The following GUCY1A2 variants were observed in gnomAD, a reference collection of about 807,000 sequenced individuals.
GUCY1A2 encodes guanylate cyclase soluble subunit alpha-2.
Under a neutral mutation model 63.5 loss-of-function variants are expected in GUCY1A2, and 27 were observed. The ratio of observed to expected loss-of-function variants is 0.43; its 90% CI spans 0.31 to 0.59. The LOEUF is 0.59. GUCY1A2 is among the 20% of genes least tolerant of loss of function. The pLI is 0.11. For synonymous variants in GUCY1A2, 364 were observed against 343.5 expected, an observed-to-expected ratio of 1.06 and a Z score of -0.66; for missense variants, 768 against 913.3, an observed-to-expected ratio of 0.84 and a Z score of 2.05.
Position 106,914,980 on chromosome 11 carries a change from C to T in GUCY1A2, c.1206+24480G>A, listed in dbSNP as rs193010003. 2.1e-3 allele frequency among the ~76,000 whole-genome samples: 313 copies of T among 152,078 alleles called. 2 individuals carry two copies. The highest frequency in any genetic ancestry group is 7.0e-3 in the African/African-American group (292 of 41,520). ...CATTTTATGTTGAAATTTAAAAAAA[C>T]GCCAACCTAGAATTGTATGTACAGC... On this transcript the variant is annotated intron_variant, in intron 4 of 7. Coordinates refer to ENST00000526355, the MANE Select transcript of GUCY1A2 (RefSeq NM_000855.3).
At chr11:106,953,974 A>G (rs980110256) in intron 3 of GUCY1A2, among the ~76,000 whole-genome samples, 5 of 151,826 alleles carry the variant, frequency 3.3e-5, no homozygotes, top group Admixed American at 2.0e-4. Context: ...CAGCTCCTGG[A>G]TTCATTGATT....
intron 6 of GUCY1A2, among the ~76,000 whole-genome samples, chr11:106,765,816 G>A (rs1442473807): frequency 1.3e-5 from 2 of 152,136 alleles, no homozygotes; most frequent in Non-Finnish European, 2.9e-5. Context: ...TTTCCCTAAA[G>A]AGTCTGAATT....
intron 6 of GUCY1A2, among the ~76,000 whole-genome samples, chr11:106,769,542 A>G (rs1047385360): frequency 6.6e-6 from 1 of 152,204 alleles, no homozygotes; most frequent in Non-Finnish European, 1.5e-5. Context: ...AATACTTTAA[A>G]TAAATACTTT....
chr11:106,845,561 T>C (rs1450238939), intron 4 of GUCY1A2, among the ~76,000 whole-genome samples: 2 of 151,604 alleles, frequency 1.3e-5, no homozygotes, highest in African/African-American at 4.8e-5. Context: ...TACAATTTTT[T>C]TGTGTTCCTG....
chr11:106,688,101 G>T (rs539419690), intron 7 of GUCY1A2, among the ~76,000 whole-genome samples: 1 of 152,180 alleles, frequency 6.6e-6, no homozygotes, highest in Non-Finnish European at 1.5e-5. Flanking sequence ...CATAATACAG[G>T]TTTTATTTCA....
chr11:106,974,049 T>C (rs1861231427), intron 3 of GUCY1A2, among the ~76,000 whole-genome samples: 1 of 152,092 alleles, frequency 6.6e-6, no homozygotes, highest in Non-Finnish European at 1.5e-5. Context: ...AGATGCATTT[T>C]CAACCCAAGT....
intron 4 of GUCY1A2, among the ~76,000 whole-genome samples, chr11:106,883,337 A>G (rs183289815): frequency 6.6e-6 from 1 of 152,284 alleles, no homozygotes; most frequent in African/African-American, 2.4e-5. Context: ...TATACCTTAC[A>G]CAACAGTATT....
chr11:106,808,629 A>G (rs925316543), intron 5 of GUCY1A2, among the ~76,000 whole-genome samples: 4 of 133,168 alleles, frequency 3.0e-5, no homozygotes, highest in African/African-American at 1.0e-4. Context: ...TTAGGGCTAA[A>G]ACAAAACAAA....
intron 6 of GUCY1A2, among the ~76,000 whole-genome samples, chr11:106,734,245 C>T (rs1009453548): frequency 1.3e-5 from 2 of 152,036 alleles, no homozygotes; most frequent in African/African-American, 4.8e-5. Context: ...AAATTCTTTG[C>T]CCTTTAGTTA....
intron 1 of GUCY1A2, among the ~76,000 whole-genome samples, chr11:106,996,535 CAGAT>C (rs1400512312): frequency 1.3e-5 from 2 of 152,184 alleles, no homozygotes; most frequent in Non-Finnish European, 2.9e-5. Flanking sequence ...CTTGGTTCCT[CAGAT>C]AGTCTGATCA....
intron 6 of GUCY1A2, among the ~76,000 whole-genome samples, chr11:106,731,903 AC>A (rs1319595120): frequency 3.3e-5 from 5 of 152,166 alleles, no homozygotes; most frequent in Non-Finnish European, 7.4e-5. Context: ...CAGAGATGGT[AC>A]AAACAAATGG....
intron 1 of GUCY1A2, among the ~76,000 whole-genome samples, chr11:106,992,723 A>AT (rs1175050838): frequency 6.6e-6 from 1 of 152,100 alleles, no homozygotes; most frequent in Admixed American, 6.5e-5. Flanking sequence ...CAAACAATTG[A>AT]TTTTTTTCTT....
At chr11:106,985,057 CTTCTG>C (rs751749816) in intron 2 of GUCY1A2, among the ~76,000 whole-genome samples, 6 of 151,924 alleles carry the variant, frequency 3.9e-5, no homozygotes, top group Admixed American at 1.3e-4. Context: ...GATTTCTTCC[CTTCTG>C]TTCTGTGAAA....
intron 5 of GUCY1A2, among the ~76,000 whole-genome samples, chr11:106,799,565 A>G (rs1284947818): frequency 6.6e-6 from 1 of 152,216 alleles, no homozygotes; most frequent in East Asian, 1.9e-4. Context: ...GGTACAGAAC[A>G]GAGTTCTCAG....
chr11:106,912,436 A>C (rs77652341), intron 4 of GUCY1A2, among the ~76,000 whole-genome samples: 4,759 of 152,152 alleles, frequency 0.031, 235 homozygotes, highest in African/African-American at 0.11. Context: ...GTCCTATATA[A>C]GCATTCTCTT....
At chr11:106,964,790 T>C (rs753177207) in intron 3 of GUCY1A2, among the ~76,000 whole-genome samples, 1 of 152,060 alleles carries the variant, frequency 6.6e-6, no homozygotes, top group Admixed American at 6.5e-5. Flanking sequence ...CCATCCTGGC[T>C]AACGCGGTGA....
chr11:107,006,705 T>C (rs941755125), intron 1 of GUCY1A2, among the ~76,000 whole-genome samples: 2 of 152,188 alleles, frequency 1.3e-5, no homozygotes, highest in Non-Finnish European at 2.9e-5. Context: ...ATCAAGCACT[T>C]GATTATCTAA....
chr11:106,714,744 A>C (rs906424815), intron 6 of GUCY1A2, among the ~76,000 whole-genome samples: 1 of 147,682 alleles, frequency 6.8e-6, no homozygotes, highest in African/African-American at 2.5e-5. Context: ...GATTCTCACA[A>C]CTGGGAGGGA....
At chr11:106,829,911 G>A (rs1383644195) in intron 4 of GUCY1A2, among the ~76,000 whole-genome samples, 8 of 152,152 alleles carry the variant, frequency 5.3e-5, no homozygotes, top group Non-Finnish European at 8.8e-5. Flanking sequence ...GAAGGTTTGG[G>A]TCACTACACC....
Sources: gnomAD v4.1 joint callset for allele counts (sites outside exome capture counted in the v4.1 genomes callset) on GRCh38, gnomAD v4.1.1 for gene constraint, MANE v1.5 for transcripts, NCBI Gene and HGNC (gene_info 2026-07-23, HGNC 2026-07-21) for gene names.